TFPI2: variants seen among roughly 807,000 people sequenced by gnomAD.
TFPI2 encodes the protein tissue factor pathway inhibitor 2.
In TFPI2, 23 loss-of-function variants were observed where a neutral mutation model predicts 23.1. That is an observed-to-expected ratio of 1.00 (90% confidence interval 0.72 to 1.41). The LOEUF is 1.41. Ranked by LOEUF, TFPI2 falls within the 40% of genes most tolerant of loss-of-function variation. The probability of loss-of-function intolerance (pLI) is 0.00; values close to 1 mark genes in which losing one functional copy is unlikely to be tolerated. For synonymous variants in TFPI2, 119 were observed against 111.7 expected (o/e 1.07, Z -0.41); for missense variants, 291 against 299.6 (o/e 0.97, Z 0.21).
intron 2 of TFPI2, among the ~76,000 whole-genome samples, 155 bp from the exon 3 acceptor site, chr7:93,889,378 CT>C (rs5885851): frequency 0.063 from 9,273 of 148,088 alleles, 446 homozygotes; most frequent in East Asian, 0.17. Context: ...CAGATATTTA[CT>C]TTTTTTTTTT....
chr7:93,889,346 AC>A (rs1458060107), intron 2 of TFPI2, 123 bp from the exon 3 acceptor site: 1 of 821,074 alleles, frequency 1.2e-6, no homozygotes, highest in Non-Finnish European at 1.9e-6. Context: ...GATAGTAAAT[AC>A]CCAGAATACT....
chr7:93,888,643 A>AAGAAAGAGAAAG (rs1260207916), intron 3 of TFPI2, among the ~76,000 whole-genome samples: 65 of 148,062 alleles, frequency 4.4e-4, no homozygotes, highest in African/African-American at 1.5e-3. Flanking sequence ...GAAGGAGAGA[A>AAGAAAGAGAAAG]AGAAAGAGAA....
chr7:93,885,546 T>C lies in TFPI2; in HGVS notation c.*1274A>G, dbSNP rs1363685790. 2.0e-5 allele frequency: 3 copies of C among 152,056 alleles called. No individual in the cohort carries two copies. The highest frequency in any genetic ancestry group is 4.4e-5 in the Non-Finnish European group (3 of 67,922). The allele number at this position is 152,056 out of a possible 1,614,324, so 9.4% of individuals were successfully genotyped here. On this transcript the variant is annotated 3_prime_UTR_variant, in exon 5 of 5. Transcript: ENST00000222543. Reference sequence around the variant, plus strand: ...CTCTCCAAACCTCTATAGGTAAACATTTTTAATATCTTTAGTATCTTCTGT... The same window carrying C: ...CTCTCCAAACCTCTATAGGTAAACACTTTTAATATCTTTAGTATCTTCTGT...
At chr7:93,889,994 T>G (rs908544020) in intron 2 of TFPI2, 143 bp downstream of exon 2, 2 of 790,922 alleles carry the variant, frequency 2.5e-6, no homozygotes, top group Admixed American at 6.6e-5. Context: ...TTTAAGAAAC[T>G]GAAAACCATG....
chr7:93,888,611 AAAAG>A (rs1403999603), intron 3 of TFPI2, among the ~76,000 whole-genome samples: 1 of 134,890 alleles, frequency 7.4e-6, no homozygotes, highest in African/African-American at 3.1e-5. Flanking sequence ...AAGAAAGAGA[AAAAG>A]AAAGGAGAGA....
Position 93,886,183 on chromosome 7 carries a change from ATG to A in TFPI2, c.*635_*636del, listed in dbSNP as rs1279416231. 2.0e-5 allele frequency: 3 copies of A among 152,078 alleles called. No individual in the cohort carries two copies. The highest frequency in any genetic ancestry group is 7.2e-5 in the African/African-American group (3 of 41,458). 9.4% of individuals were successfully genotyped at this position (152,078 alleles called of 1,614,324 possible). A position where few individuals can be genotyped will look rare whatever the true frequency, so the allele number is the denominator to read the frequency against. ...TCTCTATGTAAACACAAACATATAC[ATG>A]TGAGTGGGGATTGGTAGATAAATAG... On this transcript the variant is annotated 3_prime_UTR_variant, in exon 5 of 5. Transcript: ENST00000222543.
chr7:93,890,555 C>T (rs1554337559), intron 1 of TFPI2, 36 bp downstream of exon 1: 5 of 1,601,938 alleles, frequency 3.1e-6, no homozygotes, highest in South Asian at 1.1e-5. Flanking sequence ...CCCTCTCCGC[C>T]GGTTGGGGAG....
Position 93,886,499 on chromosome 7 carries a change from G to A in TFPI2, c.*321C>T, listed in dbSNP as rs1394804820. On this transcript the variant is annotated 3_prime_UTR_variant, in exon 5 of 5. Coordinates refer to ENST00000222543, the MANE Select transcript of TFPI2 (RefSeq NM_006528.4). ...GCACATGATTATATTGTCTTATGTT[G>A]TTTCAGTTATGATCCTCTTCTGAAA... The A allele has an allele frequency of 4.9e-6, 1 of 204,054 alleles. No individual in the cohort carries two copies. Among genetic ancestry groups the A allele is most frequent in the Non-Finnish European group, 9.7e-6 (1 of 103,174 alleles). The allele number at this position is 204,054 out of a possible 1,614,324, so 12.6% of individuals were successfully genotyped here. A position where few individuals can be genotyped will look rare whatever the true frequency, so the allele number is the denominator to read the frequency against.
rs1428280911 is a variant in TFPI2, at chr7:93,890,073, C to A, written c.271+64G>T. On this transcript the variant is annotated intron_variant, in intron 2 of 4. Transcript: ENST00000222543. ...TAGAAAGCGAGACGTGGGAAACTGG[C>A]GAAGCTGCTACCAGCCGCCGGCGCA... The A allele has an allele frequency of 6.7e-6, 10 of 1,484,958 alleles. No individual in the cohort carries two copies. In the African/African-American group the frequency reaches 1.3e-4, roughly 19 times the overall value. The allele number at this position is 1,484,958 out of a possible 1,614,324, so 92.0% of individuals were successfully genotyped here.
intron 4 of TFPI2, 133 bp downstream of exon 4, chr7:93,887,128 A>G: frequency 1.1e-6 from 1 of 919,350 alleles, no homozygotes; most frequent in South Asian, 1.9e-5. Context: ...GATTAACACT[A>G]CGGAGATACT....
intron 2 of TFPI2, chr7:93,889,797 A>G (rs1274852169): frequency 1.1e-5 from 2 of 189,660 alleles, no homozygotes; most frequent in Non-Finnish European, 1.1e-5. Flanking sequence ...GATAAAAATC[A>G]TAGGTTTGGA....
rs1794002489 is a variant in TFPI2 at position 93,886,879 on chromosome 7, T to C, written c.649A>G (p.Lys217Glu). 2 of 1,547,596 alleles carry C rather than the reference T, an allele frequency of 1.3e-6. No homozygotes were observed. Among genetic ancestry groups the C allele is most frequent in the Non-Finnish European group, 1.7e-6 (2 of 1,162,022 alleles). ...CTGGCAAAGCGAAGCTTTGGCATCT[T>C]CTTTTTCTTTTTCAAAGCTAAAATC... is the stretch of plus-strand genomic sequence containing the variant. Reference protein sequence around the residue: ...ACAKALKKKKKMPKLRFASRI... With the variant: ...ACAKALKKKKEMPKLRFASRI... The change falls in exon 5 of 5, where the codon AAG (lysine) becomes GAG (glutamate). Residue 217 changes from lysine to glutamate, a missense_variant. Transcript: ENST00000222543.
In TFPI2 at chr7:93,886,564, C is replaced by T. The variant is rs989791726; in HGVS notation, c.*256G>A. On this transcript the variant is annotated 3_prime_UTR_variant, in exon 5 of 5. Coordinates refer to ENST00000222543, the MANE Select transcript of TFPI2 (RefSeq NM_006528.4). The stretch of plus-strand genomic sequence containing the variant: ...CCAAGAAATGAGTGAGTCATATTTG[C>T]TTTTATATCTTATGCATTGCAAGAA... The T allele has an allele frequency of 6.1e-6, 2 of 330,410 alleles. No individual in the cohort carries two copies. The highest frequency in any genetic ancestry group is 1.1e-5 in the Non-Finnish European group (2 of 184,664). The allele number at this position is 330,410 out of a possible 1,614,324, so 20.5% of individuals were successfully genotyped here.
chr7:93,888,589 G>GGAAAGAGAA (rs138314368), intron 3 of TFPI2, among the ~76,000 whole-genome samples: 2,026 of 103,112 alleles, frequency 0.02, 40 homozygotes, highest in African/African-American at 0.049. Context: ...AGGAAGGAAA[G>GGAAAGAGAA]AGAAAGAAAG....
At position 93,890,330 on chromosome 7, in the gene TFPI2, G is replaced by C. The variant is rs547296999; in HGVS notation, c.89-11C>G. 1 of 1,597,672 alleles carries C rather than the reference G, an allele frequency of 6.3e-7. No individual in the cohort carries two copies. The highest frequency in any genetic ancestry group is 1.1e-5 in the South Asian group (1 of 90,002). On this transcript the variant is annotated splice_polypyrimidine_tract_variant and intron_variant, in intron 1 of 4. Transcript: ENST00000222543. ...TCTCCGCGTTATTTCCTGAAGAAGGGGCAGAAGGAGAGCAAAAGAGAGGGA... is the reference window on the plus strand; with the variant it reads ...TCTCCGCGTTATTTCCTGAAGAAGGCGCAGAAGGAGAGCAAAAGAGAGGGA...
At position 93,885,968 on chromosome 7, in the gene TFPI2, T is replaced by G. The variant is rs1793982182; in HGVS notation, c.*852A>C. 6.6e-6 allele frequency: 1 copy of G among 152,064 alleles called. No homozygotes were observed. The highest frequency in any genetic ancestry group is 2.4e-5 in the African/African-American group (1 of 41,442). The allele number at this position is 152,064 out of a possible 1,614,324, so 9.4% of individuals were successfully genotyped here. ...TATGACCATATTTAATCAATGATAA[T>G]TTACTGGTGAAATTTAAATTATTAA... On this transcript the variant is annotated 3_prime_UTR_variant, in exon 5 of 5. Coordinates refer to ENST00000222543, the MANE Select transcript of TFPI2 (RefSeq NM_006528.4).
rs1264527574 is a variant in TFPI2 at position 93,890,149 on chromosome 7, A to G, written c.259T>C (p.Trp87Arg). Residue 87 changes from tryptophan (W) to arginine (R), a missense_variant, in exon 2 of 5, where the codon TGG becomes CGG. By Grantham distance (101) the Trp-to-Arg change is moderately radical. Transcript: ENST00000222543. ...GCAGGGCACTTACTTTCTATCCTCC[A>G]GCAAGCATCGTCGCAAGCCTCCCAG... ...YTWEACDDAC[W>R]RIEKVPKVCR... The G allele has an allele frequency of 1.2e-6, 2 of 1,606,062 alleles. No homozygotes were observed. The highest frequency in any genetic ancestry group is 1.7e-6 in the Non-Finnish European group (2 of 1,173,898).
intron 2 of TFPI2, chr7:93,889,853 T>C (rs1286197233): frequency 3.4e-6 from 1 of 297,734 alleles, no homozygotes; most frequent in Non-Finnish European, 6.1e-6. Flanking sequence ...CCTAACACGT[T>C]ATTCTCTTGC....
chr7:93,888,104 G>T (rs968779817), intron 3 of TFPI2, among the ~76,000 whole-genome samples: 2 of 152,158 alleles, frequency 1.3e-5, no homozygotes, highest in African/African-American at 4.8e-5. Context: ...AAGGATTCAG[G>T]GGTGGTGGTG....
Sources: gnomAD v4.1 joint callset for allele counts (sites outside exome capture counted in the v4.1 genomes callset) on GRCh38, gnomAD v4.1.1 for gene constraint, MANE v1.5 for transcripts, NCBI Gene and HGNC (gene_info 2026-07-23, HGNC 2026-07-21) for gene names.